OSMR: variants seen among roughly 807,000 people sequenced by gnomAD.
The protein encoded by OSMR is oncostatin M receptor, also known as oncostatin-M-specific receptor subunit beta.
A neutral mutation model predicts 99.9 loss-of-function variants in OSMR; 81 were observed. The observed-to-expected ratio is 0.81, with a 90% confidence interval of 0.68 to 0.97. OSMR has a LOEUF of 0.97. Among genes scored for constraint, OSMR ranks in the 50% least tolerant of loss-of-function variants. The pLI is 0.00. For synonymous variants in OSMR, 406 were observed against 410.4 expected, an observed-to-expected ratio of 0.99 and a Z score of 0.13; for missense variants, 1,099 against 1,153.4, an observed-to-expected ratio of 0.95 and a Z score of 0.68.
intron 14 of OSMR, chr5:38,924,984 C>A: frequency 1.9e-6 from 1 of 517,304 alleles, no homozygotes; most frequent in Non-Finnish European, 2.5e-6. Context: ...CACTAGTACC[C>A]CTTGTTCAGT....
intron 1 of OSMR, among the ~76,000 whole-genome samples, chr5:38,855,452 C>T (rs1414547990): frequency 6.6e-6 from 1 of 152,084 alleles, no homozygotes; most frequent in Non-Finnish European, 1.5e-5. Flanking sequence ...ACTATTGATA[C>T]AGACCACCAG....
At chr5:38,905,275 G>T (rs1745155104) in intron 9 of OSMR, among the ~76,000 whole-genome samples, 1 of 152,048 alleles carries the variant, frequency 6.6e-6, no homozygotes, top group Non-Finnish European at 1.5e-5. Context: ...TGGATCACGT[G>T]GTCAGGAGTT....
intron 1 of OSMR, among the ~76,000 whole-genome samples, chr5:38,868,024 C>A (rs1157505885): frequency 3.3e-5 from 5 of 151,068 alleles, no homozygotes; most frequent in Admixed American, 6.6e-5. Flanking sequence ...ATGGAGATGC[C>A]CTCACCTCCA....
chr5:38,892,603 C>G (rs546873413), intron 7 of OSMR, among the ~76,000 whole-genome samples: 1 of 152,158 alleles, frequency 6.6e-6, no homozygotes, highest in Non-Finnish European at 1.5e-5. Flanking sequence ...TCCCCCCATA[C>G]AAGAAGTAGC....
Position 38,861,705 on chromosome 5 carries a change from C to T in OSMR, c.-13-7327C>T, listed in dbSNP as rs1379536790. Reference sequence around the variant, plus strand: ...TCCCAGTAGGGGCGGCCGGGAGAGGCGCCCCTCACCTCGCGGACAGGGGGG... The same window carrying T: ...TCCCAGTAGGGGCGGCCGGGAGAGGTGCCCCTCACCTCGCGGACAGGGGGG... On this transcript the variant is annotated intron_variant, in intron 1 of 17. Coordinates refer to ENST00000274276, the MANE Select transcript of OSMR (RefSeq NM_003999.3). 1.5e-3 allele frequency among the ~76,000 whole-genome samples: 220 copies of T among 148,898 alleles called. 1 individual carries two copies. The highest frequency in any genetic ancestry group is 5.2e-3 in the African/African-American group (210 of 40,432).
intron 15 of OSMR, among the ~76,000 whole-genome samples, chr5:38,931,375 A>G (rs1746742766): frequency 6.6e-6 from 1 of 152,206 alleles, no homozygotes; most frequent in South Asian, 2.1e-4. Flanking sequence ...TGTTTCACGC[A>G]TCTTCATTCT....
chr5:38,922,614 A>G (rs1746286541), intron 12 of OSMR, among the ~76,000 whole-genome samples: 1 of 152,162 alleles, frequency 6.6e-6, no homozygotes, highest in African/African-American at 2.4e-5. Context: ...AACACTGCAG[A>G]GGCCAGTCCC....
rs906855055 is a variant in OSMR at position 38,933,664 on chromosome 5, C to T, written c.*220C>T. 4.0e-5 allele frequency: 23 copies of T among 575,486 alleles called. No individual in the cohort carries two copies. Among genetic ancestry groups the T allele is most frequent in the Admixed American group, 5.9e-5 (2 of 33,786 alleles). The allele number at this position is 575,486 out of a possible 1,614,324, so 35.6% of individuals were successfully genotyped here. On this transcript the variant is annotated 3_prime_UTR_variant, in exon 18 of 18. Coordinates refer to ENST00000274276, the MANE Select transcript of OSMR (RefSeq NM_003999.3). ...CCTAGAGACGGCAGGATCATGGGAG[C>T]ATGCTTACCTTCTGCTGTTTGTTCC...
chr5:38,882,314 C>T (rs1743352317), intron 4 of OSMR, among the ~76,000 whole-genome samples: 1 of 152,190 alleles, frequency 6.6e-6, no homozygotes, highest in Non-Finnish European at 1.5e-5. Flanking sequence ...GTGGCTCACT[C>T]CTGTAATCTC....
intron 7 of OSMR, among the ~76,000 whole-genome samples, chr5:38,890,222 G>A (rs1369722494): frequency 2.6e-5 from 4 of 152,178 alleles, no homozygotes; most frequent in Admixed American, 2.0e-4. Flanking sequence ...TCAGTATCAC[G>A]TAGGAGCTTT....
chr5:38,913,019 A>T (rs192798524), intron 9 of OSMR, among the ~76,000 whole-genome samples: 8 of 152,296 alleles, frequency 5.3e-5, no homozygotes, highest in Non-Finnish European at 1.5e-5. Flanking sequence ...TGGCCTTGGG[A>T]AATAATTTAT....
intron 7 of OSMR, among the ~76,000 whole-genome samples, chr5:38,890,122 G>T (rs1465757221): frequency 1.3e-5 from 2 of 152,124 alleles, no homozygotes; most frequent in African/African-American, 2.4e-5. Context: ...GTCGTAGAAG[G>T]TGTCTATGTG....
At chr5:38,864,507 A>T (rs1741775457) in intron 1 of OSMR, among the ~76,000 whole-genome samples, 1 of 148,898 alleles carries the variant, frequency 6.7e-6, no homozygotes, top group African/African-American at 2.5e-5. Flanking sequence ...TTTTTGAAGG[A>T]TGGCTTTGCT....
downstream of OSMR, chr5:38,939,758 T>C (rs1291172502): frequency 1.8e-5 from 4 of 227,854 alleles, no homozygotes; most frequent in African/African-American, 8.9e-5. Context: ...ACTACAGTAT[T>C]GACATTATTT....
chr5:38,864,093 T>A (rs1339914832), intron 1 of OSMR, among the ~76,000 whole-genome samples: 4 of 152,222 alleles, frequency 2.6e-5, no homozygotes, highest in East Asian at 3.8e-4. Flanking sequence ...GGGTCATTTT[T>A]AAAAATCCTT....
chr5:38,917,380 G>C, intron 9 of OSMR, 166 bp from the exon 10 acceptor site: 1 of 983,060 alleles, frequency 1.0e-6, no homozygotes, highest in Non-Finnish European at 1.2e-6. Context: ...GGAGTGAGCA[G>C]TGTGGCTGTG....
chr5:38,910,308 A>G (rs1226838181), intron 9 of OSMR, among the ~76,000 whole-genome samples: 1 of 152,226 alleles, frequency 6.6e-6, no homozygotes, highest in Non-Finnish European at 1.5e-5. Flanking sequence ...ACAGTATTAC[A>G]TGAATTATCA....
At chr5:38,887,322 T>A (rs1245393385) in intron 7 of OSMR, among the ~76,000 whole-genome samples, 1 of 152,156 alleles carries the variant, frequency 6.6e-6, no homozygotes, top group East Asian at 1.9e-4. Context: ...CACCTATAAG[T>A]TTTTAGCAAG....
At chr5:38,886,229 C>T (rs771199200) in intron 7 of OSMR, 39 bp downstream of exon 7, 7 of 1,613,828 alleles carry the variant, frequency 4.3e-6, no homozygotes, top group Admixed American at 1.7e-5. Flanking sequence ...TGGCCACTAA[C>T]GTGTCTTTGT....
Sources: allele counts gnomAD v4.1 joint callset (sites outside exome capture counted in the v4.1 genomes callset), GRCh38; gene constraint gnomAD v4.1.1; transcripts MANE v1.5; gene names NCBI Gene and HGNC (gene_info 2026-07-23, HGNC 2026-07-21).